Variants in RPS6KC1 observed in about 807,000 individuals in gnomAD.
RPS6KC1 encodes inactive ribosomal protein S6 kinase delta-1.
RPS6KC1 carries 54 observed loss-of-function variants against 103.8 expected under a neutral mutation model. The ratio of observed to expected loss-of-function variants is 0.52; its 90% CI spans 0.42 to 0.65. The LOEUF (loss-of-function observed/expected upper bound fraction) is 0.65, where lower values mean the gene tolerates loss of function less well. Ranked by LOEUF, RPS6KC1 falls within the 30% of genes least tolerant of loss-of-function variation. The probability of loss-of-function intolerance (pLI) is 0.00; values close to 1 mark genes in which losing one functional copy is unlikely to be tolerated. For missense variants in RPS6KC1, 1,151 were observed against 1,253.8 expected (o/e 0.92, Z 1.24); for synonymous variants, 439 against 438.7 (o/e 1.00, Z -0.01).
the RPS6KC1 span, among the ~76,000 whole-genome samples, chr1:213,816,304 A>T: frequency 6.6e-6 from 1 of 152,240 alleles, no homozygotes; most frequent in Non-Finnish European, 1.5e-5. Context: ...AGTTGCCATA[A>T]ATCTTCAATT....
At chr1:213,387,942 G>T in the RPS6KC1 span, among the ~76,000 whole-genome samples, 1 of 152,224 alleles carries the variant, frequency 6.6e-6, no homozygotes, top group Non-Finnish European at 1.5e-5. Context: ...TGGGTTATCT[G>T]TTGGTTTGCC....
At chr1:213,494,806 A>G in the RPS6KC1 span, among the ~76,000 whole-genome samples, 1 of 152,074 alleles carries the variant, frequency 6.6e-6, no homozygotes, top group Non-Finnish European at 1.5e-5. Flanking sequence ...GAAATCTACA[A>G]GAGGTATATT....
the RPS6KC1 span, among the ~76,000 whole-genome samples, chr1:213,537,047 A>T: frequency 2.0e-5 from 3 of 152,190 alleles, no homozygotes; most frequent in Admixed American, 6.5e-5. Context: ...CTGGACAGAC[A>T]AGCTGCAACT....
the RPS6KC1 span, among the ~76,000 whole-genome samples, chr1:213,795,306 A>G: frequency 6.6e-6 from 1 of 152,148 alleles, no homozygotes; most frequent in African/African-American, 2.4e-5. Context: ...GGGCTGTGGA[A>G]TTCTTCTGAG....
chr1:213,218,477 A>C (rs1413314959), intron 8 of RPS6KC1, among the ~76,000 whole-genome samples: 1 of 152,244 alleles, frequency 6.6e-6, no homozygotes, highest in Non-Finnish European at 1.5e-5. Flanking sequence ...TGCCATCCTC[A>C]TCAAGCTACC....
chr1:213,226,319 A>G (rs1201021877), intron 8 of RPS6KC1, among the ~76,000 whole-genome samples: 1 of 151,998 alleles, frequency 6.6e-6, no homozygotes, highest in Non-Finnish European at 1.5e-5. Context: ...ACAGATATTT[A>G]TTGAGCTCTC....
chr1:213,410,688 A>G, the RPS6KC1 span, among the ~76,000 whole-genome samples: 26 of 152,264 alleles, frequency 1.7e-4, no homozygotes, highest in Middle Eastern at 3.4e-3. Context: ...AGTCATGGAC[A>G]CAGGCCTCAC....
chr1:213,169,095 A>G (rs1249079183), intron 7 of RPS6KC1, among the ~76,000 whole-genome samples: 1 of 152,188 alleles, frequency 6.6e-6, no homozygotes, highest in African/African-American at 2.4e-5. Flanking sequence ...TTACACATAT[A>G]CACATAAATC....
the RPS6KC1 span, among the ~76,000 whole-genome samples, chr1:213,664,414 T>C: frequency 6.6e-6 from 1 of 152,120 alleles, no homozygotes; most frequent in Admixed American, 6.5e-5. Context: ...CACATGTCCA[T>C]GAAGCTGGAC....
chr1:213,604,926 C>T, the RPS6KC1 span, among the ~76,000 whole-genome samples: 7 of 152,156 alleles, frequency 4.6e-5, no homozygotes, highest in Non-Finnish European at 2.9e-5. Context: ...CATTGGGGAA[C>T]TAGCACCTTT....
chr1:213,685,473 A>G, the RPS6KC1 span, among the ~76,000 whole-genome samples: 1 of 152,028 alleles, frequency 6.6e-6, no homozygotes, highest in East Asian at 1.9e-4. Context: ...TCTACTAAAA[A>G]TACAAAATTA....
the RPS6KC1 span, among the ~76,000 whole-genome samples, chr1:213,756,177 T>A: frequency 1.3e-5 from 2 of 152,216 alleles, no homozygotes; most frequent in Non-Finnish European, 2.9e-5. Context: ...CTCCTCCTGA[T>A]GTCATCATGC....
At chr1:213,860,994 A>G in the RPS6KC1 span, among the ~76,000 whole-genome samples, 24 of 152,152 alleles carry the variant, frequency 1.6e-4, no homozygotes, top group South Asian at 2.9e-3. Context: ...TATTTTGTAA[A>G]GATGGTGTTT....
At chr1:213,159,275 G>T (rs935146122) in intron 6 of RPS6KC1, among the ~76,000 whole-genome samples, 2 of 152,040 alleles carry the variant, frequency 1.3e-5, no homozygotes, top group African/African-American at 4.8e-5. Context: ...TGGCTATTTT[G>T]GTGTCAAATT....
chr1:213,214,247 A>G (rs1257071328), intron 8 of RPS6KC1, among the ~76,000 whole-genome samples: 1 of 152,254 alleles, frequency 6.6e-6, no homozygotes, highest in Non-Finnish European at 1.5e-5. Flanking sequence ...CCTGGCTTGA[A>G]GGGTCCTACG....
At chr1:213,205,536 TTATATATATAGATA>T (rs373092486) in intron 8 of RPS6KC1, 1,121 of 82,320 alleles carry the variant, frequency 0.014, 62 homozygotes, top group Non-Finnish European at 0.018. Context: ...ACAAACTCAT[TTATATATATAGATA>T]TATATATATA....
the RPS6KC1 span, among the ~76,000 whole-genome samples, chr1:213,800,232 C>T: frequency 3.1e-4 from 47 of 152,230 alleles, no homozygotes; most frequent in East Asian, 4.4e-3. Flanking sequence ...GGTGTTCCTG[C>T]GATAAGGAAT....
chr1:213,719,305 C>A, the RPS6KC1 span, among the ~76,000 whole-genome samples: 51 of 152,270 alleles, frequency 3.3e-4, 1 homozygote, highest in South Asian at 0.011. Flanking sequence ...ATGTGAGGAA[C>A]CGGAGTACAA....
At chr1:213,607,436 T>G in the RPS6KC1 span, among the ~76,000 whole-genome samples, 1 of 152,210 alleles carries the variant, frequency 6.6e-6, no homozygotes, top group Non-Finnish European at 1.5e-5. Context: ...ATGGTTTTAC[T>G]GGAAGAGAGG....
Sources: allele counts gnomAD v4.1 joint callset (sites outside exome capture counted in the v4.1 genomes callset), GRCh38; gene constraint gnomAD v4.1.1; transcripts MANE v1.5; gene names NCBI Gene and HGNC (gene_info 2026-07-23, HGNC 2026-07-21).